CDK6: variants seen among roughly 807,000 people sequenced by gnomAD.
CDK6 encodes the protein cyclin dependent kinase 6, also known as cyclin-dependent kinase 6.
Under a neutral mutation model 37.1 loss-of-function variants are expected in CDK6, and 6 were observed. That is an observed-to-expected ratio of 0.16 (90% CI 0.09 to 0.32). CDK6 has a LOEUF of 0.32. Ranked by LOEUF, CDK6 falls within the 10% of genes least tolerant of loss-of-function variation. The pLI, the probability that CDK6 is intolerant of heterozygous loss-of-function variation, is 1.00. For synonymous variants in CDK6, 160 were observed against 161.3 expected, an observed-to-expected ratio of 0.99 and a Z score of 0.06; for missense variants, 224 against 418.9, an observed-to-expected ratio of 0.53 and a Z score of 4.06.
rs931747715 is a variant in CDK6 at position 92,835,984 on chromosome 7, G to T, written c.-368+494C>A. Among the ~76,000 whole-genome samples the T allele has an allele frequency of 2.0e-5, 3 of 152,178 alleles. No individual in the cohort carries two copies. Among genetic ancestry groups the T allele is most frequent in the Non-Finnish European group, 4.4e-5 (3 of 68,034 alleles). On this transcript the variant is annotated intron_variant, in intron 1 of 7. Transcript: ENST00000424848. This position sits in a 1 kb window ranked among gnomAD's most constrained non-coding sequence, Gnocchi z 4.2. ...TAACATTTATCTCGTGGAGGGGAAG[G>T]TGGAGCCCACACCCACACCTCAGCG...
chr7:92,797,464 T>C (rs1433429287), intron 2 of CDK6, among the ~76,000 whole-genome samples: 1 of 152,178 alleles, frequency 6.6e-6, no homozygotes, highest in African/African-American at 2.4e-5. Context: ...AAACCCTCTA[T>C]ATATACTAAT....
rs1384489204 is a variant in CDK6 at position 92,798,641 on chromosome 7, T to A, written c.234-23810A>T. On this transcript the variant is annotated intron_variant, in intron 2 of 7. Transcript: ENST00000424848. Reference sequence around the variant, plus strand: ...TTATTGATGAATGAGGGAGAGTCTCTCTGTTGCTAAGGGAACCCAAGTGTG... The same window carrying A: ...TTATTGATGAATGAGGGAGAGTCTCACTGTTGCTAAGGGAACCCAAGTGTG... Among the ~76,000 whole-genome samples, 54 of 152,186 alleles carry A rather than the reference T, an allele frequency of 3.5e-4. 1 individual carries two copies. Among genetic ancestry groups the A allele is most frequent in the Non-Finnish European group, 4.4e-5 (3 of 68,032 alleles).
At chr7:92,716,230 C>G (rs755430549) in intron 4 of CDK6, among the ~76,000 whole-genome samples, 3 of 152,100 alleles carry the variant, frequency 2.0e-5, no homozygotes, top group African/African-American at 7.2e-5. Context: ...TTTGTAAAAG[C>G]AGGGAGTTGT....
At chr7:92,733,116 A>C (rs1336727385) in intron 3 of CDK6, among the ~76,000 whole-genome samples, 2 of 152,208 alleles carry the variant, frequency 1.3e-5, no homozygotes, top group East Asian at 3.8e-4. Flanking sequence ...ATTATCTTTC[A>C]TTTATAGCCA....
chr7:92,635,234 G>A (rs1044958978), intron 5 of CDK6, among the ~76,000 whole-genome samples: 1 of 152,132 alleles, frequency 6.6e-6, no homozygotes, highest in African/African-American at 2.4e-5. Context: ...CTGGCAAACC[G>A]GCCTGTCAGG....
At chr7:92,788,763 G>A (rs894111365) in intron 2 of CDK6, among the ~76,000 whole-genome samples, 1 of 152,170 alleles carries the variant, frequency 6.6e-6, no homozygotes, top group Non-Finnish European at 1.5e-5. Flanking sequence ...GCAATAAGAT[G>A]AACAACTACT....
At chr7:92,801,963 C>A (rs963586308) in intron 2 of CDK6, among the ~76,000 whole-genome samples, 2 of 146,458 alleles carry the variant, frequency 1.4e-5, no homozygotes, top group African/African-American at 2.5e-5. Flanking sequence ...CCCTCCCCCC[C>A]GTTCTCTCCC....
At chr7:92,815,531 A>C (rs1801006298) in intron 2 of CDK6, among the ~76,000 whole-genome samples, 1 of 152,206 alleles carries the variant, frequency 6.6e-6, no homozygotes, top group Non-Finnish European at 1.5e-5. Context: ...TAGGTAGTAG[A>C]GGACTGTGAT....
At chr7:92,709,598 C>T (rs1798040331) in intron 4 of CDK6, among the ~76,000 whole-genome samples, 1 of 151,984 alleles carries the variant, frequency 6.6e-6, no homozygotes, top group Non-Finnish European at 1.5e-5. Context: ...CATCCAAATA[C>T]TGAATATTAC....
At chr7:92,779,622 T>C (rs1305446364) in intron 2 of CDK6, among the ~76,000 whole-genome samples, 3 of 152,196 alleles carry the variant, frequency 2.0e-5, no homozygotes, top group East Asian at 3.8e-4. Flanking sequence ...AGGGTGCCTG[T>C]AGGATACTCT....
chr7:92,664,918 T>A (rs1796921251), intron 5 of CDK6, among the ~76,000 whole-genome samples: 1 of 151,714 alleles, frequency 6.6e-6, no homozygotes. Context: ...CCCGAGTAGG[T>A]GGGACTACAG....
At chr7:92,824,572 G>T (rs2106929) in intron 2 of CDK6, among the ~76,000 whole-genome samples, 18,265 of 151,958 alleles carry the variant, frequency 0.12, 1,144 homozygotes, top group South Asian at 0.18. Flanking sequence ...CCAAATGAAA[G>T]ATTATTTTTT....
intron 4 of CDK6, among the ~76,000 whole-genome samples, chr7:92,677,471 T>C (rs982299958): frequency 6.6e-6 from 1 of 151,752 alleles, no homozygotes; most frequent in African/African-American, 2.4e-5. Flanking sequence ...TAAAAAAAAT[T>C]AGCCAGGTGT....
intron 3 of CDK6, among the ~76,000 whole-genome samples, chr7:92,730,994 T>C (rs1004387318): frequency 1.3e-5 from 2 of 152,210 alleles, no homozygotes; most frequent in East Asian, 1.9e-4. Flanking sequence ...AATGAAATAG[T>C]GACTAACAGC....
At chr7:92,732,328 G>A (rs1236310714) in intron 3 of CDK6, among the ~76,000 whole-genome samples, 2 of 152,204 alleles carry the variant, frequency 1.3e-5, no homozygotes, top group East Asian at 3.9e-4. Context: ...TAGGTGGGAA[G>A]ATCACTTGAG....
At chr7:92,744,454 AAC>A (rs1799008547) in intron 3 of CDK6, among the ~76,000 whole-genome samples, 1 of 152,182 alleles carries the variant, frequency 6.6e-6, no homozygotes. Flanking sequence ...TCTTTCTCAC[AAC>A]ACATGGGAAT....
intron 3 of CDK6, among the ~76,000 whole-genome samples, chr7:92,768,071 T>C (rs1450303805): frequency 6.6e-6 from 1 of 152,012 alleles, no homozygotes; most frequent in Non-Finnish European, 1.5e-5. Context: ...GAACTAAAAA[T>C]GAAAGAATCT....
At chr7:92,824,232 G>C (rs1337145174) in intron 2 of CDK6, among the ~76,000 whole-genome samples, 1 of 151,214 alleles carries the variant, frequency 6.6e-6, no homozygotes, top group African/African-American at 2.4e-5. Flanking sequence ...GATTTAAACA[G>C]AGGACACAGA....
chr7:92,719,413 C>T (rs1216925478), intron 4 of CDK6, among the ~76,000 whole-genome samples: 1 of 152,058 alleles, frequency 6.6e-6, no homozygotes, highest in Non-Finnish European at 1.5e-5. Flanking sequence ...GTACAGCTGT[C>T]GAATAAAAGT....
Sources: allele counts gnomAD v4.1 joint callset (sites outside exome capture counted in the v4.1 genomes callset), GRCh38; gene constraint gnomAD v4.1.1; non-coding constraint Gnocchi (gnomAD v3.1); transcripts MANE v1.5; gene names NCBI Gene and HGNC (gene_info 2026-07-23, HGNC 2026-07-21).